The following MAMLD1 variants were observed in gnomAD, a reference collection of about 807,000 sequenced individuals.
MAMLD1 encodes mastermind like domain containing 1.
Under a neutral mutation model 45.0 loss-of-function variants are expected in MAMLD1, and 14 were observed. The ratio of observed to expected loss-of-function variants is 0.31; its 90% CI spans 0.21 to 0.49. The LOEUF is 0.49. Ranked by LOEUF, MAMLD1 falls within the 20% of genes least tolerant of loss-of-function variation. The pLI is 0.99. For synonymous variants in MAMLD1, 254 were observed against 247.8 expected (o/e 1.02, Z -0.24); for missense variants, 543 against 603.6 (o/e 0.90, Z 1.05).
chrX:150,438,427 T>TGTGCAACC (rs1557404364), intron 1 of MAMLD1, among the ~76,000 whole-genome samples: 14 of 112,308 alleles, frequency 1.2e-4, no homozygotes, highest in Non-Finnish European at 2.4e-4. Context: ...TTCACAATGT[T>TGTGCAACC]ATGCAACCAT....
intron 2 of MAMLD1, among the ~76,000 whole-genome samples, chrX:150,458,859 G>A (rs1378094519): frequency 9.0e-6 from 1 of 111,187 alleles, no homozygotes; most frequent in Non-Finnish European, 1.9e-5. Flanking sequence ...GCAGGGGGTG[G>A]GGTGTGAAAT....
At chrX:150,435,706 C>A (rs1336963470) in intron 1 of MAMLD1, among the ~76,000 whole-genome samples, 2 of 112,442 alleles carry the variant, frequency 1.8e-5, no homozygotes, top group African/African-American at 6.5e-5. Context: ...GGCATGTAGC[C>A]TATTTACATT....
chrX:150,488,985 G>A (rs1416417612), intron 5 of MAMLD1, among the ~76,000 whole-genome samples: 2 of 113,073 alleles, frequency 1.8e-5, no homozygotes, highest in African/African-American at 6.4e-5. Flanking sequence ...GGAGAGTAGA[G>A]TTGTCAGGAG....
chrX:150,364,760 G>A (rs1053413069), intron 1 of MAMLD1, among the ~76,000 whole-genome samples: 5 of 113,193 alleles, frequency 4.4e-5, no homozygotes, highest in Admixed American at 3.7e-4. Flanking sequence ...GAACAAAGGC[G>A]CAAAGTCTCC....
intron 3 of MAMLD1, among the ~76,000 whole-genome samples, chrX:150,466,048 G>A (rs1329284431): frequency 1.8e-5 from 2 of 112,819 alleles, no homozygotes; most frequent in Non-Finnish European, 3.8e-5. Flanking sequence ...CACAGGCACA[G>A]GTGACCCAGT....
chrX:150,425,573 T>G, intron 1 of MAMLD1, among the ~76,000 whole-genome samples: 1 of 112,087 alleles, frequency 8.9e-6, no homozygotes, highest in Admixed American at 9.4e-5. Flanking sequence ...TCATCCAGGC[T>G]CTAGGTTGGG....
chrX:150,460,183 G>A (rs1557405540), intron 2 of MAMLD1, among the ~76,000 whole-genome samples: 1 of 112,231 alleles, frequency 8.9e-6, no homozygotes, highest in Non-Finnish European at 1.9e-5. Flanking sequence ...CCACTGATCT[G>A]ATGGGGCCAA....
At chrX:150,394,683 C>T (rs374659795) in intron 1 of MAMLD1, among the ~76,000 whole-genome samples, 1 of 110,882 alleles carries the variant, frequency 9.0e-6, no homozygotes, top group Non-Finnish European at 1.9e-5. Flanking sequence ...GTAAGTATTT[C>T]ATTTTGGGGG....
At chrX:150,482,391 G>A (rs2036844202) in intron 5 of MAMLD1, among the ~76,000 whole-genome samples, 1 of 112,111 alleles carries the variant, frequency 8.9e-6, no homozygotes, top group African/African-American at 3.2e-5. Flanking sequence ...TGTTTAATGG[G>A]GACAGAGTTT....
In MAMLD1 at chrX:150,469,955, T is replaced by A. The variant is rs782430154; in HGVS notation, c.382T>A (p.Ser128Thr). The change falls in exon 4 of 8, where the codon TCA becomes ACA. Residue 128 changes from serine to threonine, a missense_variant. Ser to Thr is a moderately conservative substitution (Grantham distance 58, BLOSUM62 1). Transcript: ENST00000370401. ...TGCGGCTATGGGAGTGGCTGGCCAG[T>A]CATTACTGCTGGAGAATAACCCTAT... ...SPAAMGVAGQ[S>T]LLLENNPMNG... 1 of 1,211,560 alleles carries A rather than the reference T, an allele frequency of 8.3e-7. No homozygotes were observed. The highest frequency in any genetic ancestry group is 1.1e-6 in the Non-Finnish European group (1 of 895,468).
chrX:150,489,139 G>A (rs912272945), intron 5 of MAMLD1, among the ~76,000 whole-genome samples: 1 of 112,326 alleles, frequency 8.9e-6, no homozygotes, highest in Admixed American at 9.4e-5. Flanking sequence ...ACTGATCTGT[G>A]AGCCAAGTGC....
In MAMLD1 at chrX:150,512,346, AGTCCTTG is replaced by A. The variant is rs1557409181; in HGVS notation, c.*388_*394del. 2 of 1,131,518 alleles carry A rather than the reference AGTCCTTG, an allele frequency of 1.8e-6. No homozygotes were observed. The highest frequency in any genetic ancestry group is 2.3e-6 in the Non-Finnish European group (2 of 858,114). The allele number at this position is 1,131,518 out of a possible 1,213,427, so 93.2% of individuals were successfully genotyped here. A position where few individuals can be genotyped will look rare whatever the true frequency, so the allele number is the denominator to read the frequency against. On this transcript the variant is annotated 3_prime_UTR_variant, in exon 8 of 8. Transcript: ENST00000370401. ...TTCTGTCCCAGCTCCCTGGGCACCC[AGTCCTTG>A]AGTCCCCACCAGCTCAGACGGCCTA...
chrX:150,501,877 A>T (rs1445416907), intron 5 of MAMLD1, among the ~76,000 whole-genome samples: 1 of 112,200 alleles, frequency 8.9e-6, no homozygotes, highest in Non-Finnish European at 1.9e-5. Flanking sequence ...AATGCAAACG[A>T]CATGTGGGCT....
At chrX:150,490,346 A>G (rs2037143490) in intron 5 of MAMLD1, among the ~76,000 whole-genome samples, 1 of 112,395 alleles carries the variant, frequency 8.9e-6, no homozygotes, top group Non-Finnish European at 1.9e-5. Flanking sequence ...TTTGTCACTC[A>G]GTGTTTAGAT....
chrX:150,450,900 G>A (rs947661671), intron 2 of MAMLD1, among the ~76,000 whole-genome samples: 6 of 112,966 alleles, frequency 5.3e-5, no homozygotes, highest in East Asian at 5.6e-4. Context: ...CATGGAGCAC[G>A]CAGCTGTTCG....
At position 150,416,382 on chromosome X, in the gene MAMLD1, T is replaced by C. The variant is rs781878041; in HGVS notation, c.-63-29072T>C. On this transcript the variant is annotated intron_variant, in intron 1 of 7. Coordinates refer to ENST00000370401, the MANE Select transcript of MAMLD1 (RefSeq NM_005491.5). ...AGAAATAGAATCATATTGTTTTAAC[T>C]GTGGAAATAAACTCTTCCTAATTTC... Among the ~76,000 whole-genome samples, 15 of 111,885 alleles carry C rather than the reference T, an allele frequency of 1.3e-4. No homozygotes were observed. The South Asian group carries it at 5.7e-3, about 42-fold the overall frequency.
intron 1 of MAMLD1, among the ~76,000 whole-genome samples, chrX:150,440,095 T>G (rs5969832): frequency 9.1e-6 from 1 of 110,344 alleles, no homozygotes; most frequent in African/African-American, 3.3e-5. Flanking sequence ...TTTTTCAATA[T>G]TGTTTTGAGG....
intron 2 of MAMLD1, among the ~76,000 whole-genome samples, chrX:150,457,125 C>T (rs1269459559): frequency 2.7e-5 from 3 of 112,623 alleles, no homozygotes; most frequent in African/African-American, 9.7e-5. Flanking sequence ...CCCTGGTCAC[C>T]GCATTTGTTC....
In MAMLD1 at chrX:150,512,780, G is replaced by A. The variant is rs929226053; in HGVS notation, c.*821G>A. 4.5e-5 allele frequency: 52 copies of A among 1,153,911 alleles called. No individual in the cohort carries two copies. The highest frequency in any genetic ancestry group is 3.1e-4 in the Admixed American group (12 of 38,568). ...TGCCACCGCTGCTGCTGCTTCTGCC[G>A]TTGCTGCCAGCCAGTTCCCAGGTCC... On this transcript the variant is annotated 3_prime_UTR_variant, in exon 8 of 8. Transcript: ENST00000370401.
Sources: gnomAD v4.1 joint callset for allele counts (sites outside exome capture counted in the v4.1 genomes callset) on GRCh38, gnomAD v4.1.1 for gene constraint, MANE v1.5 for transcripts, NCBI Gene and HGNC (gene_info 2026-07-23, HGNC 2026-07-21) for gene names.